Variants in STOML3 observed in about 807,000 individuals in gnomAD.
STOML3 encodes the protein stomatin like 3.
A neutral mutation model predicts 29.5 loss-of-function variants in STOML3; 31 were observed. The observed-to-expected ratio is 1.05, with a 90% confidence interval of 0.79 to 1.42. The LOEUF (loss-of-function observed/expected upper bound fraction) is 1.42. Among genes scored for constraint, STOML3 ranks in the 40% most tolerant of loss-of-function variants. STOML3 has a pLI of 0.00. For missense variants in STOML3, 380 were observed against 363.0 expected (o/e 1.05, Z -0.38); for synonymous variants, 122 against 139.8 (o/e 0.87, Z 0.90).
intron 1 of STOML3, among the ~76,000 whole-genome samples, chr13:38,981,306 A>C (rs1272879980): frequency 6.6e-6 from 1 of 152,138 alleles, no homozygotes; most frequent in African/African-American, 2.4e-5. Context: ...TCCCCAGGGC[A>C]TTATTCCTGG....
chr13:38,967,192 G>A (rs765817547), intron 6 of STOML3, 143 bp from the exon 7 acceptor site: 18 of 722,102 alleles, frequency 2.5e-5, no homozygotes, highest in Admixed American at 1.5e-4. Context: ...GCGAGGATAA[G>A]TTTCACTTCC....
intron 4 of STOML3, among the ~76,000 whole-genome samples, chr13:38,971,524 C>T (rs1409547392): frequency 1.3e-5 from 2 of 152,192 alleles, no homozygotes; most frequent in Non-Finnish European, 2.9e-5. Context: ...CTAACCTGAA[C>T]CACTTTGGTT....
At chr13:38,977,883 C>G (rs1010083222) in intron 1 of STOML3, among the ~76,000 whole-genome samples, 1 of 151,250 alleles carries the variant, frequency 6.6e-6, no homozygotes, top group African/African-American at 2.4e-5. Flanking sequence ...CCTCAGCCTC[C>G]CGAGTAGCTG....
chr13:38,988,969 T>C (rs1280259060), intron 1 of STOML3, among the ~76,000 whole-genome samples: 1 of 145,546 alleles, frequency 6.9e-6, no homozygotes, highest in African/African-American at 2.5e-5. Context: ...CACAATATAT[T>C]ATATATACTA....
At chr13:38,988,601 A>ATTT (rs1555283058) in intron 1 of STOML3, among the ~76,000 whole-genome samples, 1 of 23,438 alleles carries the variant, frequency 4.3e-5, no homozygotes, top group Non-Finnish European at 9.6e-5. Flanking sequence ...ATAATATATT[A>ATTT]TATATCATAT....
chr13:38,989,658 G>A (rs1364581176), intron 1 of STOML3, among the ~76,000 whole-genome samples: 3 of 151,668 alleles, frequency 2.0e-5, no homozygotes, highest in Admixed American at 2.0e-4. Context: ...CACCACACCT[G>A]GCTAAATTTT....
At chr13:38,976,258 T>A (rs951370896) in intron 3 of STOML3, among the ~76,000 whole-genome samples, 2 of 152,198 alleles carry the variant, frequency 1.3e-5, no homozygotes, top group Admixed American at 6.5e-5. Flanking sequence ...TAAGTGACAT[T>A]CAGCCAATGT....
At position 38,970,177 on chromosome 13, in the gene STOML3, GT is replaced by G; in HGVS notation, c.516+7del. 3 of 1,609,718 alleles carry G rather than the reference GT, an allele frequency of 1.9e-6. No homozygotes were observed. The highest frequency in any genetic ancestry group is 1.9e-4 in the Middle Eastern group (1 of 5,382). ...AAGATACAGGCTATTAGTTCATGGT[GT>G]CTTTACCTGGATGCTATGGGCGATC... On this transcript the variant is annotated splice_region_variant and intron_variant, in intron 5 of 6. Transcript: ENST00000379631.
chr13:38,980,321 C>T (rs747437611), intron 1 of STOML3, among the ~76,000 whole-genome samples: 5 of 152,124 alleles, frequency 3.3e-5, no homozygotes, highest in Non-Finnish European at 7.4e-5. Flanking sequence ...GCCTTGTGAG[C>T]ATGCACAGCT....
At position 38,972,511 on chromosome 13, in the gene STOML3, C is replaced by T. The variant is rs776422641; in HGVS notation, c.312+1G>A. On this transcript the variant is annotated splice_donor_variant, in intron 4 of 6. Coordinates refer to ENST00000379631, the MANE Select transcript of STOML3 (RefSeq NM_145286.3). LOFTEE classifies it high-confidence loss of function. Reference sequence around the variant, plus strand: ...AGTGACATATCCTTAATCAGTACTACCTCTTGTGGAGGAATGTTGCAAGTA... The same window carrying T: ...AGTGACATATCCTTAATCAGTACTATCTCTTGTGGAGGAATGTTGCAAGTA... The T allele has an allele frequency of 1.2e-6, 2 of 1,613,388 alleles. No individual in the cohort carries two copies. The highest frequency in any genetic ancestry group is 3.3e-5 in the Admixed American group (2 of 59,986).
chr13:38,983,713 A>G (rs1016289299), intron 1 of STOML3, among the ~76,000 whole-genome samples: 5 of 152,182 alleles, frequency 3.3e-5, no homozygotes, highest in Admixed American at 3.3e-4. Context: ...CTATGAATAC[A>G]AAATTCCATA....
At position 38,968,678 on chromosome 13, in the gene STOML3, GA is replaced by G. The variant is rs1433926211; in HGVS notation, c.517-145del. 12 of 967,554 alleles carry G rather than the reference GA, an allele frequency of 1.2e-5. No homozygotes were observed. In the East Asian group the frequency reaches 3.2e-4, roughly 25 times the overall value. 59.9% of individuals were successfully genotyped at this position (967,554 alleles called of 1,614,324 possible). On this transcript the variant is annotated intron_variant, in intron 5 of 6. Coordinates refer to ENST00000379631, the MANE Select transcript of STOML3 (RefSeq NM_145286.3). ...CAGCATTTGGAGTGAGACAATTTAGGAAGAGAATAAGAGTTAATATTCTTAT... is the reference window on the plus strand; with the variant it reads ...CAGCATTTGGAGTGAGACAATTTAGGAGAGAATAAGAGTTAATATTCTTAT...
rs1387177924 is a variant in STOML3 at position 38,987,874 on chromosome 13, A to C, written c.52+2796T>G. Among the ~76,000 whole-genome samples, 357 of 74,606 alleles carry C rather than the reference A, an allele frequency of 4.8e-3. 8 individuals are homozygous for C. The highest frequency in any genetic ancestry group is 0.024 in the South Asian group (58 of 2,382). 48.9% of individuals were successfully genotyped at this position (74,606 alleles called of 152,430 possible). Reference sequence around the variant, plus strand: ...ATATATTATATGTTATATATAATATATTATATTTTATATAATATATTATGT... The same window carrying C: ...ATATATTATATGTTATATATAATATCTTATATTTTATATAATATATTATGT... On this transcript the variant is annotated intron_variant, in intron 1 of 6. Transcript: ENST00000379631.
At chr13:38,990,610 A>T in intron 1 of STOML3, 60 bp downstream of exon 1, 1 of 1,570,358 alleles carries the variant, frequency 6.4e-7, no homozygotes, top group Non-Finnish European at 8.8e-7. Context: ...CTATAATGCT[A>T]CAACTCCTGC....
intron 1 of STOML3, among the ~76,000 whole-genome samples, chr13:38,985,681 A>C (rs1868485570): frequency 6.6e-6 from 1 of 151,898 alleles, no homozygotes; most frequent in African/African-American, 2.4e-5. Flanking sequence ...AATTAAGCAA[A>C]TTATGATATA....
intron 3 of STOML3, among the ~76,000 whole-genome samples, chr13:38,973,856 T>C (rs1880978573): frequency 6.6e-6 from 1 of 152,212 alleles, no homozygotes; most frequent in Admixed American, 6.5e-5. Context: ...CAGATTCAAG[T>C]AATAGATTTG....
chr13:38,976,920 A>C (rs1030600271), intron 1 of STOML3, 123 bp from the exon 2 acceptor site: 2 of 735,124 alleles, frequency 2.7e-6, no homozygotes, highest in African/African-American at 3.5e-5. Context: ...TAGAAAACCT[A>C]AATCCATTTA....
At chr13:38,971,094 G>T (rs148261008) in intron 4 of STOML3, among the ~76,000 whole-genome samples, 1 of 151,824 alleles carries the variant, frequency 6.6e-6, no homozygotes, top group Non-Finnish European at 1.5e-5. Context: ...CTGCAGTGGC[G>T]CAATCTCTGC....
intron 4 of STOML3, among the ~76,000 whole-genome samples, chr13:38,971,943 A>G (rs1003036049): frequency 3.5e-4 from 53 of 152,244 alleles, no homozygotes; most frequent in African/African-American, 1.2e-3. Context: ...AAAAACAAAC[A>G]AACAAAAAAA....
Sources: gnomAD v4.1 joint callset for allele counts (sites outside exome capture counted in the v4.1 genomes callset) on GRCh38, gnomAD v4.1.1 for gene constraint, MANE v1.5 for transcripts, NCBI Gene and HGNC (gene_info 2026-07-23, HGNC 2026-07-21) for gene names.